OGA: variants seen among roughly 807,000 people sequenced by gnomAD.
OGA encodes the protein protein O-GlcNAcase.
OGA carries 21 observed loss-of-function variants against 102.0 expected under a neutral mutation model. That is an observed-to-expected ratio of 0.21 (90% CI 0.15 to 0.30). The LOEUF is 0.30. Ranked by LOEUF, OGA falls within the 10% of genes least tolerant of loss-of-function variation. The pLI is 1.00. For synonymous variants in OGA, 408 were observed against 378.2 expected (o/e 1.08, Z -0.91); for missense variants, 765 against 1,107.8 (o/e 0.69, Z 4.39).
chr10:101,788,438 A>AG (rs919007403), intron 14 of OGA, among the ~76,000 whole-genome samples: 1 of 151,078 alleles, frequency 6.6e-6, no homozygotes, highest in African/African-American at 2.4e-5. Flanking sequence ...AAAAAAAAAA[A>AG]AAAAAGTTTT....
chr10:101,812,325 T>TG (rs1192347679), intron 3 of OGA, among the ~76,000 whole-genome samples: 1 of 152,104 alleles, frequency 6.6e-6, no homozygotes, highest in East Asian at 1.9e-4. Flanking sequence ...CAGAATCTCT[T>TG]GAACTCGGGA....
chr10:101,791,408 T>C lies in OGA; in HGVS notation c.2207A>G (p.Tyr736Cys), dbSNP rs2065257889. Residue 736 changes from tyrosine (Y) to cysteine (C), a missense_variant, in exon 13 of 16, where the codon TAT (tyrosine) becomes TGT (cysteine). Physicochemically the swap from Tyr to Cys is radical, Grantham distance 194. Around this residue, in one of 7 missense-constraint regions of OGA, gnomAD observed 146 missense variants for 269.7 expected, o/e 0.54. Coordinates refer to ENST00000361464, the MANE Select transcript of OGA (RefSeq NM_012215.5). ...ASVYKICREM[Y>C]DDGVGLPFQS... The stretch of plus-strand genomic sequence containing the variant: ...AAAGGGTAAACCCACTCCATCGTCA[T>C]ACATTTCTCTGCAAATCTTGTACAC... 1.9e-6 allele frequency: 3 copies of C among 1,614,066 alleles called. No homozygotes were observed. The highest frequency in any genetic ancestry group is 2.5e-6 in the Non-Finnish European group (3 of 1,179,958).
intron 15 of OGA, 125 bp downstream of exon 15, chr10:101,787,239 C>G (rs2065201825): frequency 9.4e-7 from 1 of 1,067,766 alleles, no homozygotes; most frequent in East Asian, 2.4e-5. Flanking sequence ...ATTCAGAAAC[C>G]AAATCATAAA....
intron 14 of OGA, among the ~76,000 whole-genome samples, chr10:101,790,020 T>C (rs1051186362): frequency 2.0e-5 from 3 of 152,092 alleles, no homozygotes; most frequent in Non-Finnish European, 4.4e-5. Flanking sequence ...AATAATCACG[T>C]AATGTGTTGG....
chr10:101,787,978 C>T (rs948032172), intron 14 of OGA: 4 of 153,900 alleles, frequency 2.6e-5, no homozygotes, highest in African/African-American at 9.7e-5. Flanking sequence ...AAAAAAAATA[C>T]AAAAAATTAG....
In OGA at chr10:101,792,880, A is replaced by T. The variant is rs779216262; in HGVS notation, c.2134T>A (p.Ser712Thr). 1 of 1,613,290 alleles carries T rather than the reference A, an allele frequency of 6.2e-7. No homozygotes were observed. Among genetic ancestry groups the T allele is most frequent in the Non-Finnish European group, 8.5e-7 (1 of 1,179,278 alleles). The change falls in exon 12 of 16, where the codon TCC (serine) becomes ACC (threonine). Residue 712 changes from serine (S) to threonine (T), a missense_variant. Ser to Thr is a moderately conservative substitution (Grantham distance 58). Around this residue, in one of 7 missense-constraint regions of OGA, gnomAD observed 146 missense variants for 269.7 expected, o/e 0.54. Coordinates refer to ENST00000361464, the MANE Select transcript of OGA (RefSeq NM_012215.5). ...FFQPPPLTPT[S>T]KVYTIRPYFP... ...TAAGGTCTGATAGTATAAACTTTGG[A>T]GGTAGGAGTCAGTGGAGGTGGCTGA...
Position 101,798,083 on chromosome 10 carries a change from C to T in OGA, c.1881G>A (p.Arg627=), listed in dbSNP as rs1008239482. 6.2e-7 allele frequency: 1 copy of T among 1,614,018 alleles called. No homozygotes were observed. The highest frequency in any genetic ancestry group is 1.3e-5 in the African/African-American group (1 of 75,006). The change falls in exon 10 of 16, where the codon CGG becomes CGA. Residue 627 remains arginine (R), a synonymous_variant. Coordinates refer to ENST00000361464, the MANE Select transcript of OGA (RefSeq NM_012215.5). The part of the protein sequence containing the change: ...MCGLVMGMFT[R]LSNCANRTIL... ...TTGTCCTGTTGGCACAATTGGAGAGCCGAGTGAACATTCCCATCACTAGTC... is the reference window on the plus strand; with the variant it reads ...TTGTCCTGTTGGCACAATTGGAGAGTCGAGTGAACATTCCCATCACTAGTC...
At chr10:101,792,582 T>C (rs1157854092) in intron 12 of OGA, 3 of 379,014 alleles carry the variant, frequency 7.9e-6, no homozygotes, top group African/African-American at 6.2e-5. Context: ...TTTAGACACA[T>C]TAACTATTTT....
At chr10:101,810,510 A>C (rs1205065707) in intron 3 of OGA, among the ~76,000 whole-genome samples, 196 bp from the exon 4 acceptor site, 1 of 152,376 alleles carries the variant, frequency 6.6e-6, no homozygotes, top group East Asian at 1.9e-4. Flanking sequence ...ATGTCACAGT[A>C]AGGGAAAAAG....
At position 101,813,022 on chromosome 10, in the gene OGA, A is replaced by G; in HGVS notation, c.349+8T>C. The stretch of plus-strand genomic sequence containing the variant: ...TTTTGAATTTATGGATAAAAAGAAA[A>G]AGATTACCAGCTTCCTCCACTGAAT... On this transcript the variant is annotated splice_region_variant and intron_variant, in intron 3 of 15. Coordinates refer to ENST00000361464, the MANE Select transcript of OGA (RefSeq NM_012215.5). 1 of 1,586,260 alleles carries G rather than the reference A, an allele frequency of 6.3e-7. No individual in the cohort carries two copies.
intron 14 of OGA, among the ~76,000 whole-genome samples, chr10:101,788,932 C>A (rs1320224719): frequency 6.6e-6 from 1 of 152,138 alleles, no homozygotes; most frequent in Non-Finnish European, 1.5e-5. Context: ...TGCAACTTTT[C>A]TGTAAATCTA....
intron 7 of OGA, among the ~76,000 whole-genome samples, chr10:101,801,472 T>G (rs570063011): frequency 6.6e-6 from 1 of 151,574 alleles, no homozygotes; most frequent in Non-Finnish European, 1.5e-5. Context: ...TGAGCCAGGA[T>G]AGTGGTAGAG....
chr10:101,799,458 A>G lies in OGA; in HGVS notation c.1196-3T>C. 1 of 1,602,388 alleles carries G rather than the reference A, an allele frequency of 6.2e-7. No individual in the cohort carries two copies. The stretch of plus-strand genomic sequence containing the variant: ...TCCACTGTGTGCAACTTGCCTACCT[A>G]CAAAAATAAATAAATGTATAAATAA... On this transcript the variant is annotated splice_polypyrimidine_tract_variant and splice_region_variant and intron_variant, in intron 8 of 15. Transcript: ENST00000361464.
At chr10:101,799,593 C>A in intron 8 of OGA, 138 bp from the exon 9 acceptor site, 3 of 937,142 alleles carry the variant, frequency 3.2e-6, no homozygotes, top group Non-Finnish European at 4.7e-6. Flanking sequence ...TTAATTTGAC[C>A]TCTAAGAAAA....
intron 3 of OGA, among the ~76,000 whole-genome samples, chr10:101,811,410 A>G (rs2065555790): frequency 7.3e-6 from 1 of 136,842 alleles, no homozygotes; most frequent in African/African-American, 2.7e-5. Flanking sequence ...AAAAATGAAA[A>G]AAAAAAAAAA....
intron 1 of OGA, among the ~76,000 whole-genome samples, chr10:101,814,227 G>T (rs546120568): frequency 2.6e-5 from 4 of 152,284 alleles, no homozygotes; most frequent in African/African-American, 9.6e-5. Context: ...TATTTGGGAG[G>T]CTGAGAAACA....
At chr10:101,794,371 T>A (rs1162517931) in intron 10 of OGA, among the ~76,000 whole-genome samples, 1 of 152,206 alleles carries the variant, frequency 6.6e-6, no homozygotes, top group Non-Finnish European at 1.5e-5. Context: ...TTAGACACTT[T>A]ATTATCACAG....
At chr10:101,807,099 T>C (rs2065485827) in intron 5 of OGA, among the ~76,000 whole-genome samples, 1 of 152,188 alleles carries the variant, frequency 6.6e-6, no homozygotes, top group Admixed American at 6.5e-5. Flanking sequence ...GGTACTAATG[T>C]AGTACTCAAC....
intron 3 of OGA, among the ~76,000 whole-genome samples, chr10:101,811,417 A>ATG (rs2065556271): frequency 6.7e-6 from 1 of 148,552 alleles, no homozygotes; most frequent in African/African-American, 2.5e-5. Flanking sequence ...AAAAAAAAAA[A>ATG]AAAAAAAAAA....
Sources: gnomAD v4.1 joint callset for allele counts (sites outside exome capture counted in the v4.1 genomes callset) on GRCh38, gnomAD v4.1.1 for gene constraint, gnomAD v4.1.1 regional missense constraint, MANE v1.5 for transcripts, NCBI Gene and HGNC (gene_info 2026-07-23, HGNC 2026-07-21) for gene names.